Variants in ACOXL observed in about 807,000 individuals in gnomAD.
ACOXL encodes acyl-CoA oxidase like.
A neutral mutation model predicts 71.9 loss-of-function variants in ACOXL; 70 were observed. The ratio of observed to expected loss-of-function variants is 0.97; its 90% CI spans 0.80 to 1.19. The LOEUF is 1.19. ACOXL is among the 50% of genes most tolerant of loss of function. The pLI, the probability that ACOXL is intolerant of heterozygous loss-of-function variation, is 0.00. For synonymous variants in ACOXL, 253 were observed against 281.6 expected (o/e 0.90, Z 1.02); for missense variants, 703 against 736.3 (o/e 0.95, Z 0.52).
intron 12 of ACOXL, among the ~76,000 whole-genome samples, chr2:110,970,647 A>G (rs765005477): frequency 5.9e-5 from 9 of 152,194 alleles, no homozygotes; most frequent in African/African-American, 9.7e-5. Context: ...AAAAGAAATT[A>G]AAACATAGAG....
At chr2:110,912,085 T>TAAAATA (rs1276444101) in intron 11 of ACOXL, among the ~76,000 whole-genome samples, 1 of 151,996 alleles carries the variant, frequency 6.6e-6, no homozygotes, top group Non-Finnish European at 1.5e-5. Flanking sequence ...TCAAAAAGAA[T>TAAAATA]AAAATACTTA....
chr2:110,916,722 G>T (rs1483966352), intron 11 of ACOXL, among the ~76,000 whole-genome samples: 1 of 151,998 alleles, frequency 6.6e-6, no homozygotes, highest in African/African-American at 2.4e-5. Context: ...ATGATAAAGG[G>T]GATATCACCA....
At chr2:110,894,836 T>C (rs993234440) in intron 10 of ACOXL, among the ~76,000 whole-genome samples, 1 of 152,126 alleles carries the variant, frequency 6.6e-6, no homozygotes, top group African/African-American at 2.4e-5. Context: ...CTAGCAGTAA[T>C]GAGGAGCCCA....
intron 16 of ACOXL, among the ~76,000 whole-genome samples, chr2:111,073,113 A>G (rs1254800766): frequency 6.6e-6 from 1 of 152,160 alleles, no homozygotes; most frequent in African/African-American, 2.4e-5. Flanking sequence ...TTGTTTTCCT[A>G]CTGTTGAGCT....
At position 110,963,572 on chromosome 2, in the gene ACOXL, TGTGTG is replaced by T. The variant is rs1387905922; in HGVS notation, c.1060-23535_1060-23531del. 60 of 574,640 alleles carry T rather than the reference TGTGTG, an allele frequency of 1.0e-4. No homozygotes were observed. In the African/African-American group the frequency reaches 2.1e-3, roughly 20 times the overall value. 35.6% of individuals were successfully genotyped at this position (574,640 alleles called of 1,614,324 possible). On this transcript the variant is annotated intron_variant, in intron 12 of 17. Coordinates refer to ENST00000439055, the MANE Select transcript of ACOXL (RefSeq NM_001142807.4). ...TGGGATCGCAAATTTGAAATGTGTG[TGTGTG>T]TGTGTGTGTGTGTGTGTGTGTGTGT...
At chr2:110,765,945 T>G (rs952156983) in intron 1 of ACOXL, among the ~76,000 whole-genome samples, 1 of 152,226 alleles carries the variant, frequency 6.6e-6, no homozygotes, top group African/African-American at 2.4e-5. Flanking sequence ...TAGTGAGATT[T>G]AAAAAATTTG....
At chr2:111,063,260 T>C (rs778115285) in intron 16 of ACOXL, among the ~76,000 whole-genome samples, 15 of 152,292 alleles carry the variant, frequency 9.8e-5, no homozygotes, top group Middle Eastern at 3.4e-3. Flanking sequence ...GAGAGAACTT[T>C]TACCAATTCA....
chr2:111,104,780 ACTCTT>A (rs1214938614), intron 17 of ACOXL, among the ~76,000 whole-genome samples: 14 of 152,058 alleles, frequency 9.2e-5, no homozygotes, highest in Middle Eastern at 6.8e-3. Flanking sequence ...TTGCCTTCTT[ACTCTT>A]TTAATATGGT....
rs2062352953 is a variant in ACOXL at position 110,974,405 on chromosome 2, A to T, written c.1060-12703A>T. Reference sequence around the variant, plus strand: ...TTTAAGCAAGATGGAAAGTTTTCTGACCCTTTTATTATTTGCCAGGGCAGA... The same window carrying T: ...TTTAAGCAAGATGGAAAGTTTTCTGTCCCTTTTATTATTTGCCAGGGCAGA... On this transcript the variant is annotated intron_variant, in intron 12 of 17. Transcript: ENST00000439055. 3.3e-5 allele frequency among the ~76,000 whole-genome samples: 5 copies of T among 152,050 alleles called. No individual in the cohort carries two copies. The South Asian group carries it at 1.0e-3, about 32-fold the overall frequency.
At chr2:111,005,478 G>C (rs1461422578) in intron 14 of ACOXL, among the ~76,000 whole-genome samples, 1 of 152,178 alleles carries the variant, frequency 6.6e-6, no homozygotes. Flanking sequence ...GCCGCCCACA[G>C]TTTTTATTGT....
At chr2:110,867,838 C>T (rs1212071032) in intron 10 of ACOXL, among the ~76,000 whole-genome samples, 1 of 152,186 alleles carries the variant, frequency 6.6e-6, no homozygotes, top group Non-Finnish European at 1.5e-5. Context: ...TCTCGGCTCA[C>T]TGCAAGCTCT....
intron 10 of ACOXL, among the ~76,000 whole-genome samples, chr2:110,892,118 A>G (rs1267713125): frequency 6.6e-6 from 1 of 152,200 alleles, no homozygotes; most frequent in Non-Finnish European, 1.5e-5. Flanking sequence ...TTTTGTAAAA[A>G]TAACAAGAGT....
chr2:110,805,020 C>T (rs1227366532), intron 8 of ACOXL, among the ~76,000 whole-genome samples: 3 of 152,220 alleles, frequency 2.0e-5, no homozygotes, highest in Non-Finnish European at 2.9e-5. Context: ...GCGGTCTGCA[C>T]AGTCAGGCTC....
chr2:111,086,219 G>C (rs544462984), intron 16 of ACOXL, among the ~76,000 whole-genome samples: 1 of 152,218 alleles, frequency 6.6e-6, no homozygotes, highest in Non-Finnish European at 1.5e-5. Context: ...CTATGAGGCT[G>C]GCATCATCCT....
chr2:110,965,945 A>T (rs1212369313), intron 12 of ACOXL, among the ~76,000 whole-genome samples: 1 of 152,198 alleles, frequency 6.6e-6, no homozygotes, highest in Admixed American at 6.5e-5. Context: ...CCCCTAGCCA[A>T]GGGACCAGGA....
intron 2 of ACOXL, among the ~76,000 whole-genome samples, chr2:110,777,026 G>A (rs1039184281): frequency 2.6e-5 from 4 of 151,958 alleles, no homozygotes; most frequent in South Asian, 2.1e-4. Context: ...AAGAAAATGC[G>A]ATTCCCTGGT....
At chr2:110,974,206 C>A (rs985855756) in intron 12 of ACOXL, among the ~76,000 whole-genome samples, 2 of 152,168 alleles carry the variant, frequency 1.3e-5, no homozygotes, top group African/African-American at 4.8e-5. Context: ...ATGGAAATTT[C>A]AGGAGACACA....
rs552177778 is a variant in ACOXL at position 110,925,425 on chromosome 2, T to A, written c.906-8064T>A. Among the ~76,000 whole-genome samples the A allele has an allele frequency of 3.9e-5, 6 of 152,396 alleles. No individual in the cohort carries two copies. In the South Asian group the frequency reaches 1.2e-3, roughly 32 times the overall value. ...TAGCTAGATCTTCTGGATAACTTGC[T>A]GCTTAAGCTGTAGCTTCTACATCAG... is the stretch of plus-strand genomic sequence containing the variant. On this transcript the variant is annotated intron_variant, in intron 11 of 17. Coordinates refer to ENST00000439055, the MANE Select transcript of ACOXL (RefSeq NM_001142807.4).
At chr2:110,831,141 T>C (rs1055563608) in intron 9 of ACOXL, among the ~76,000 whole-genome samples, 1 of 151,780 alleles carries the variant, frequency 6.6e-6, no homozygotes, top group African/African-American at 2.4e-5. Flanking sequence ...GCCAGGGAAA[T>C]AAGGCAAGGA....
Sources: gnomAD v4.1 joint callset for allele counts (sites outside exome capture counted in the v4.1 genomes callset) on GRCh38, gnomAD v4.1.1 for gene constraint, MANE v1.5 for transcripts, NCBI Gene and HGNC (gene_info 2026-07-23, HGNC 2026-07-21) for gene names.